The following SYT2 variants were observed in gnomAD, a reference collection of about 807,000 sequenced individuals.
SYT2 encodes synaptotagmin-2.
SYT2 carries 15 observed loss-of-function variants against 39.9 expected under a neutral mutation model. The ratio of observed to expected loss-of-function variants is 0.38; its 90% confidence interval spans 0.25 to 0.58. The LOEUF (loss-of-function observed/expected upper bound fraction) is 0.58, where lower values mean the gene tolerates loss of function less well. SYT2 is among the 20% of genes least tolerant of loss of function. The pLI is 0.70. For missense variants in SYT2, 389 were observed against 530.3 expected, an observed-to-expected ratio of 0.73 and a Z score of 2.62; for synonymous variants, 181 against 204.5, an observed-to-expected ratio of 0.89 and a Z score of 0.98.
At chr1:202,604,176 CCA>C in intron 3 of SYT2, 1 of 346,018 alleles carries the variant, frequency 2.9e-6, no homozygotes, top group Non-Finnish European at 5.3e-6. Flanking sequence ...CTGTCTCTTT[CCA>C]ACATTTTGTC....
intron 1 of SYT2, among the ~76,000 whole-genome samples, chr1:202,670,864 G>A (rs532988642): frequency 1.3e-5 from 2 of 152,290 alleles, no homozygotes; most frequent in African/African-American, 4.8e-5. Context: ...CACAGCCATC[G>A]GTATCATTGA....
At chr1:202,704,839 C>T (rs988735005) in intron 1 of SYT2, among the ~76,000 whole-genome samples, 1 of 152,222 alleles carries the variant, frequency 6.6e-6, no homozygotes, top group African/African-American at 2.4e-5. Flanking sequence ...CTCAAGACTG[C>T]CCACCCTGGG....
At chr1:202,652,314 T>C (rs911775173) in intron 1 of SYT2, among the ~76,000 whole-genome samples, 3 of 152,022 alleles carry the variant, frequency 2.0e-5, no homozygotes, top group African/African-American at 4.8e-5. Flanking sequence ...CTCCTTGGGG[T>C]CATGCATGGA....
chr1:202,661,730 G>A (rs1319675798), intron 1 of SYT2, among the ~76,000 whole-genome samples: 1 of 152,164 alleles, frequency 6.6e-6, no homozygotes, highest in Non-Finnish European at 1.5e-5. Context: ...CCACCCCTGC[G>A]GGAGTGTTTC....
At position 202,596,895 on chromosome 1, in the gene SYT2, G is replaced by A; in HGVS notation, c.1122C>T (p.Ile374=). 2 of 1,614,226 alleles carry A rather than the reference G, an allele frequency of 1.2e-6. No homozygotes were observed. The highest frequency in any genetic ancestry group is 1.7e-5 in the Admixed American group (1 of 60,030). ...TGCCCGTGGCATTGCTGCCCACGAA[G>A]ATCTTGCCTATGGCTTCGTTCTTGC... ...KLGKNEAIGK[I]FVGSNATGTE... The change falls in exon 9 of 9, where the codon ATC becomes ATT. Residue 374 remains isoleucine (I), a synonymous_variant. Transcript: ENST00000367268.
chr1:202,650,571 G>T (rs1692172631), intron 1 of SYT2, among the ~76,000 whole-genome samples: 2 of 151,994 alleles, frequency 1.3e-5, no homozygotes, highest in Admixed American at 1.3e-4. Flanking sequence ...GAGTAGCTGG[G>T]ATTTCAGGCA....
At chr1:202,645,117 G>A (rs1362656967) in intron 1 of SYT2, among the ~76,000 whole-genome samples, 2 of 152,176 alleles carry the variant, frequency 1.3e-5, no homozygotes, top group Non-Finnish European at 2.9e-5. Context: ...CTCTAGTCAG[G>A]TCTGCTGACC....
chr1:202,708,926 T>C (rs2102183718), intron 1 of SYT2, among the ~76,000 whole-genome samples: 1 of 152,330 alleles, frequency 6.6e-6, no homozygotes, highest in African/African-American at 2.4e-5. Flanking sequence ...TCCCTGCTTC[T>C]GTCACCCCCT....
At chr1:202,615,004 C>T (rs1474309086) in intron 1 of SYT2, among the ~76,000 whole-genome samples, 3 of 152,060 alleles carry the variant, frequency 2.0e-5, no homozygotes, top group African/African-American at 7.3e-5. Context: ...CTTTGGCTGT[C>T]GTGAGTAAAA....
intron 1 of SYT2, among the ~76,000 whole-genome samples, chr1:202,647,706 C>G (rs1692115885): frequency 6.6e-6 from 1 of 152,190 alleles, no homozygotes. Context: ...AATAATGGCT[C>G]TCAGTTATTC....
intron 1 of SYT2, among the ~76,000 whole-genome samples, chr1:202,609,647 T>C (rs891851828): frequency 2.0e-5 from 3 of 152,258 alleles, no homozygotes; most frequent in Non-Finnish European, 4.4e-5. Flanking sequence ...CCAGTGATGA[T>C]GAGCATTTTT....
At chr1:202,613,067 C>CTTTTTTTTTTTTTTTT (rs1690930669) in intron 1 of SYT2, among the ~76,000 whole-genome samples, 1 of 121,604 alleles carries the variant, frequency 8.2e-6, no homozygotes. Context: ...ATTGGTTCTT[C>CTTTTTTTTTTTTTTTT]CTTTTTTTTT....
chr1:202,633,639 T>C (rs1691659918), intron 1 of SYT2, among the ~76,000 whole-genome samples: 1 of 152,120 alleles, frequency 6.6e-6, no homozygotes, highest in Non-Finnish European at 1.5e-5. Flanking sequence ...ATAGAACTTA[T>C]ATAGGATGGG....
At chr1:202,626,156 G>A (rs1294981312) in intron 1 of SYT2, among the ~76,000 whole-genome samples, 1 of 152,100 alleles carries the variant, frequency 6.6e-6, no homozygotes, top group Non-Finnish European at 1.5e-5. Flanking sequence ...TACAGGCCCT[G>A]TACGTGGGTA....
chr1:202,690,128 C>A (rs991370516), intron 1 of SYT2, among the ~76,000 whole-genome samples: 6 of 152,230 alleles, frequency 3.9e-5, no homozygotes, highest in African/African-American at 1.4e-4. Flanking sequence ...TCCACTCCCC[C>A]TGAAGGCAAC....
chr1:202,639,161 G>A lies in SYT2; in HGVS notation c.-17-33372C>T, dbSNP rs571382422. ...CCTGGGAATTCAAGTGTCTGATACC[G>A]GGTCACCTTATGCTAGTTCTTTAAT... On this transcript the variant is annotated intron_variant, in intron 1 of 8. Transcript: ENST00000367268. Among the ~76,000 whole-genome samples, 12 of 152,232 alleles carry A rather than the reference G, an allele frequency of 7.9e-5. No homozygotes were observed. The South Asian group carries it at 2.5e-3, about 32-fold the overall frequency.
rs181399934 is a variant in SYT2, at chr1:202,699,845, G to A, written c.-18+10413C>T. Among the ~76,000 whole-genome samples the A allele has an allele frequency of 1.6e-4, 24 of 151,942 alleles. No individual in the cohort carries two copies. The East Asian group carries it at 2.7e-3, about 17-fold the overall frequency. On this transcript the variant is annotated intron_variant, in intron 1 of 8. Transcript: ENST00000367268. ...TCCATCCAGCATGGTCTCGTATGTC[G>A]GTTTTCCCTTGATCACCGTTGAGTT...
intron 1 of SYT2, among the ~76,000 whole-genome samples, chr1:202,665,534 A>G (rs1270674975): frequency 6.6e-6 from 1 of 152,238 alleles, no homozygotes; most frequent in Non-Finnish European, 1.5e-5. Flanking sequence ...GGGCCTTCAG[A>G]TAGTCTATAG....
chr1:202,664,132 G>A (rs1692440077), intron 1 of SYT2, among the ~76,000 whole-genome samples: 1 of 152,136 alleles, frequency 6.6e-6, no homozygotes, highest in South Asian at 2.1e-4. Context: ...CCAAACAGAG[G>A]ATATGAATGT....
Sources: allele counts gnomAD v4.1 joint callset (sites outside exome capture counted in the v4.1 genomes callset), GRCh38; gene constraint gnomAD v4.1.1; transcripts MANE v1.5; gene names NCBI Gene and HGNC (gene_info 2026-07-23, HGNC 2026-07-21).